Variants in SFI1 observed in about 807,000 individuals in gnomAD.
SFI1 encodes the protein SFI1 centrin binding protein.
Under a neutral mutation model 207.5 loss-of-function variants are expected in SFI1, and 195 were observed. That is an observed-to-expected ratio of 0.94 (90% CI 0.84 to 1.06). SFI1 has a LOEUF of 1.06. Among genes scored for constraint, SFI1 ranks in the 50% least tolerant of loss-of-function variants. The pLI, the probability that SFI1 is intolerant of heterozygous loss-of-function variation, is 0.00. For synonymous variants in SFI1, 630 were observed against 598.9 expected, an observed-to-expected ratio of 1.05 and a Z score of -0.76; for missense variants, 1,634 against 1,588.0, an observed-to-expected ratio of 1.03 and a Z score of -0.49.
intron 3 of SFI1, among the ~76,000 whole-genome samples, chr22:31,530,349 G>A (rs1456764983): frequency 6.6e-6 from 1 of 150,542 alleles, no homozygotes; most frequent in South Asian, 2.1e-4. Flanking sequence ...AATTAGCCAG[G>A]TGCAGTGGCG....
At chr22:31,515,718 G>A (rs1172059237) in intron 2 of SFI1, among the ~76,000 whole-genome samples, 1 of 149,168 alleles carries the variant, frequency 6.7e-6, no homozygotes, top group Non-Finnish European at 1.5e-5. Context: ...CTGAATTCCT[G>A]TTGTGGCTTA....
intron 2 of SFI1, among the ~76,000 whole-genome samples, chr22:31,516,471 C>A (rs982227500): frequency 2.0e-5 from 3 of 151,646 alleles, no homozygotes; most frequent in African/African-American, 4.9e-5. Context: ...TGAGATGGCA[C>A]CCCTGCACTC....
chr22:31,614,085 A>G (rs2070903931), intron 27 of SFI1: 1 of 557,130 alleles, frequency 1.8e-6, no homozygotes, highest in African/African-American at 1.9e-5. Context: ...GCCAAAGCTC[A>G]GGAAATAGGT....
At chr22:31,568,220 ATATATATT>A (rs1569334349) in intron 8 of SFI1, among the ~76,000 whole-genome samples, 2 of 129,026 alleles carry the variant, frequency 1.6e-5, no homozygotes, top group African/African-American at 6.1e-5. Flanking sequence ...GTATATATAT[ATATATATT>A]TTTTTTTTTT....
At chr22:31,537,661 A>G (rs2059120353) in intron 4 of SFI1, among the ~76,000 whole-genome samples, 1 of 152,190 alleles carries the variant, frequency 6.6e-6, no homozygotes, top group South Asian at 2.1e-4. Context: ...TGATAGAGTG[A>G]GAATATTTGT....
chr22:31,506,370 A>AT (rs2054637842), intron 1 of SFI1, among the ~76,000 whole-genome samples: 1 of 152,138 alleles, frequency 6.6e-6, no homozygotes, highest in Non-Finnish European at 1.5e-5. Flanking sequence ...TTTAAAAAAA[A>AT]GAAAAGAAAG....
intron 2 of SFI1, among the ~76,000 whole-genome samples, chr22:31,510,386 C>A (rs570900204): frequency 6.6e-6 from 1 of 151,404 alleles, no homozygotes; most frequent in Admixed American, 6.6e-5. Flanking sequence ...TTTAATTACT[C>A]ATTTAATTTT....
rs752804588 is a variant in SFI1, at chr22:31,603,738, C to T, written c.1806-6C>T. The T allele has an allele frequency of 2.6e-6, 4 of 1,533,760 alleles. No homozygotes were observed. The East Asian group carries it at 1.0e-4, about 39-fold the overall frequency. On this transcript the variant is annotated splice_region_variant and splice_polypyrimidine_tract_variant and intron_variant, in intron 17 of 32. Transcript: ENST00000400288. Reference sequence around the variant, plus strand: ...TGCAGCACTGAGCTCTGCCATCTCCCCACAGGAGGACGGGCAGGGTGCGGG... The same window carrying T: ...TGCAGCACTGAGCTCTGCCATCTCCTCACAGGAGGACGGGCAGGGTGCGGG...
At chr22:31,569,931 G>A (rs1470294167) in intron 8 of SFI1, among the ~76,000 whole-genome samples, 1 of 139,124 alleles carries the variant, frequency 7.2e-6, no homozygotes, top group African/African-American at 2.7e-5. Context: ...CTGGGCAATG[G>A]AGCAAGAACC....
intron 5 of SFI1, 117 bp downstream of exon 5, chr22:31,547,088 A>C (rs893816599): frequency 3.4e-5 from 25 of 728,826 alleles, no homozygotes; most frequent in Non-Finnish European, 5.3e-5. Flanking sequence ...TTTTTCTTCA[A>C]ATCCTTTTTG....
chr22:31,614,200 C>A (rs1218671349), intron 27 of SFI1: 1 of 362,146 alleles, frequency 2.8e-6, no homozygotes, highest in African/African-American at 2.0e-5. Flanking sequence ...TCAGCTCCTA[C>A]CCGTGCCTGC....
At position 31,613,185 on chromosome 22, in the gene SFI1, TGTG is replaced by T. The variant is rs781171186; in HGVS notation, c.2537_2539del (p.Trp846del). On this transcript the variant is annotated inframe_deletion, in exon 25 of 33. Coordinates refer to ENST00000400288, the MANE Select transcript of SFI1 (RefSeq NM_001007467.3). ...GAGCAGCGGGCGACAGTGCGGGCCCTGTGGTTCTGGGCCTTCTCGCTGCAGGCA... is the reference window on the plus strand; with the variant it reads ...GAGCAGCGGGCGACAGTGCGGGCCCTGTTCTGGGCCTTCTCGCTGCAGGCA... The T allele has an allele frequency of 6.2e-7, 1 of 1,613,836 alleles. No individual in the cohort carries two copies. The highest frequency in any genetic ancestry group is 1.7e-5 in the Admixed American group (1 of 60,016).
intron 15 of SFI1, among the ~76,000 whole-genome samples, chr22:31,599,022 A>T (rs1165589487): frequency 7.3e-6 from 1 of 137,020 alleles, no homozygotes. Context: ...TCGAACTCCT[A>T]AGCTTGTGAT....
rs11354377 is a variant in SFI1 at position 31,601,128 on chromosome 22, C to CTT, written c.1545-1063_1545-1062dup. ...TCCCAAACCTTTTTACTTTTCTTTACTTTTTTTTTTTTTTTTTTTTTTGCA... is the reference window on the plus strand; with the variant it reads ...TCCCAAACCTTTTTACTTTTCTTTACTTTTTTTTTTTTTTTTTTTTTTTTGCA... On this transcript the variant is annotated intron_variant, in intron 15 of 32. Coordinates refer to ENST00000400288, the MANE Select transcript of SFI1 (RefSeq NM_001007467.3). 1.4e-4 allele frequency among the ~76,000 whole-genome samples: 11 copies of CTT among 80,302 alleles called. No homozygotes were observed. The South Asian group carries it at 2.0e-3, about 15-fold the overall frequency. 52.7% of individuals were successfully genotyped at this position (80,302 alleles called of 152,430 possible). A position where few individuals can be genotyped will look rare whatever the true frequency, so the allele number is the denominator to read the frequency against.
rs777348795 is a variant in SFI1 at position 31,618,220 on chromosome 22, G to A, written c.3618G>A (p.Leu1206=). 3.1e-6 allele frequency: 5 copies of A among 1,596,236 alleles called. No individual in the cohort carries two copies. Among genetic ancestry groups the A allele is most frequent in the Non-Finnish European group, 4.3e-6 (5 of 1,173,042 alleles). ...QEVEQQVQKE[L]EQVEMQIQLL... ...TAGAGCAGCAGGTGCAGAAAGAGCT[G>A]GAACAGGTGAGGCCCCAGGCCATCC... The change falls in exon 32 of 33, where the codon CTG becomes CTA. Residue 1206 remains leucine (L), a synonymous_variant. Coordinates refer to ENST00000400288, the MANE Select transcript of SFI1 (RefSeq NM_001007467.3).
rs2068962160 is a variant in SFI1 at position 31,606,312 on chromosome 22, A to T, written c.2055-16A>T. 1 of 1,610,422 alleles carries T rather than the reference A, an allele frequency of 6.2e-7. No individual in the cohort carries two copies. Among genetic ancestry groups the T allele is most frequent in the African/African-American group, 1.3e-5 (1 of 74,838 alleles). ...TCCTGGTGTCATCTGCCTTCCTCGC[A>T]CCCATGCATCTGCAGCGGGGCATTA... On this transcript the variant is annotated splice_polypyrimidine_tract_variant and intron_variant, in intron 20 of 32. Coordinates refer to ENST00000400288, the MANE Select transcript of SFI1 (RefSeq NM_001007467.3).
At position 31,589,427 on chromosome 22, in the gene SFI1, T is replaced by G. The variant is rs1490961348; in HGVS notation, c.1414-20T>G. ...AAAAAAAAAAGTTAAGTACAAAGGTTATTCATTCTTTTACTTTAGCTGCTA... is the reference window on the plus strand; with the variant it reads ...AAAAAAAAAAGTTAAGTACAAAGGTGATTCATTCTTTTACTTTAGCTGCTA... On this transcript the variant is annotated intron_variant, in intron 14 of 32. Coordinates refer to ENST00000400288, the MANE Select transcript of SFI1 (RefSeq NM_001007467.3). 7 of 1,574,328 alleles carry G rather than the reference T, an allele frequency of 4.4e-6. No individual in the cohort carries two copies. In the South Asian group the frequency reaches 4.8e-5, roughly 11 times the overall value.
intron 27 of SFI1, chr22:31,614,217 C>G (rs924708488): frequency 1.3e-4 from 45 of 344,914 alleles, no homozygotes; most frequent in Admixed American, 4.7e-4. Context: ...CTGCCGGCCT[C>G]TCTTCTGCTC....
intron 9 of SFI1, among the ~76,000 whole-genome samples, chr22:31,573,717 C>T (rs1180722362): frequency 6.6e-6 from 1 of 152,082 alleles, no homozygotes; most frequent in Non-Finnish European, 1.5e-5. Flanking sequence ...GGATTGCAGG[C>T]GTGAGCCACT....
Sources: allele counts gnomAD v4.1 joint callset (sites outside exome capture counted in the v4.1 genomes callset), GRCh38; gene constraint gnomAD v4.1.1; transcripts MANE v1.5; gene names NCBI Gene and HGNC (gene_info 2026-07-23, HGNC 2026-07-21).